The following ACSM6 variants were observed in gnomAD, a reference collection of about 807,000 sequenced individuals.
ACSM6 encodes acyl-CoA synthetase medium chain family member 6.
In ACSM6, 35 loss-of-function variants were observed where a neutral mutation model predicts 51.1. The observed-to-expected ratio is 0.69, with a 90% CI of 0.52 to 0.91. The LOEUF (loss-of-function observed/expected upper bound fraction) is 0.91. Ranked by LOEUF, ACSM6 falls within the 40% of genes least tolerant of loss-of-function variation. The pLI, the probability that ACSM6 is intolerant of heterozygous loss-of-function variation, is 0.00. For synonymous variants in ACSM6, 172 were observed against 207.3 expected, an observed-to-expected ratio of 0.83 and a Z score of 1.46; for missense variants, 509 against 584.1, an observed-to-expected ratio of 0.87 and a Z score of 1.32.
intron 2 of ACSM6, among the ~76,000 whole-genome samples, 168 bp downstream of exon 2, chr10:95,194,845 G>T (rs145317273): frequency 6.6e-6 from 1 of 152,334 alleles, no homozygotes; most frequent in Non-Finnish European, 1.5e-5. Flanking sequence ...CAGCCAGATG[G>T]TTCTACATTG....
exon 2 of ACSM6, chr10:95,194,556 C>G: frequency 6.4e-7 from 1 of 1,551,868 alleles, no homozygotes; most frequent in South Asian, 1.2e-5. Context: ...TGCTGCTATC[C>G]AAACCAAAAA....
intron 3 of ACSM6, among the ~76,000 whole-genome samples, chr10:95,203,185 C>T (rs1242439459): frequency 6.6e-6 from 1 of 151,912 alleles, no homozygotes; most frequent in Non-Finnish European, 1.5e-5. Flanking sequence ...ACTGTGCATG[C>T]GAGGAATCTG....
At chr10:95,220,632 A>C (rs1277923275) in intron 9 of ACSM6, among the ~76,000 whole-genome samples, 1 of 152,184 alleles carries the variant, frequency 6.6e-6, no homozygotes, top group African/African-American at 2.4e-5. Flanking sequence ...AATGAAACAA[A>C]TATTAGTATT....
At chr10:95,200,557 A>AG (rs1415798121) in intron 2 of ACSM6, among the ~76,000 whole-genome samples, 4 of 103,684 alleles carry the variant, frequency 3.9e-5, no homozygotes, top group East Asian at 1.9e-4. Flanking sequence ...AAGAAGAAGA[A>AG]AGAAGAGGAA....
intron 2 of ACSM6, among the ~76,000 whole-genome samples, chr10:95,195,594 G>T (rs973207109): frequency 1.3e-5 from 2 of 152,134 alleles, no homozygotes; most frequent in African/African-American, 4.8e-5. Flanking sequence ...TGTCAAGTGG[G>T]GCTGGTGGTG....
rs190364519 is a variant in ACSM6, at chr10:95,222,545, C to G, written c.1200+2574C>G. Among the ~76,000 whole-genome samples, 5 of 151,566 alleles carry G rather than the reference C, an allele frequency of 3.3e-5. No individual in the cohort carries two copies. The East Asian group carries it at 7.7e-4, about 23-fold the overall frequency. On this transcript the variant is annotated intron_variant, in intron 9 of 10. Transcript: ENST00000341686. ...GGCTGAGGCAGGAGAATCACTTGAACGCGGGAGGTGCAGGTTGTAGTGAGC... is the reference window on the plus strand; with the variant it reads ...GGCTGAGGCAGGAGAATCACTTGAAGGCGGGAGGTGCAGGTTGTAGTGAGC...
chr10:95,197,960 CT>C (rs1483636634), intron 2 of ACSM6, among the ~76,000 whole-genome samples: 1 of 152,234 alleles, frequency 6.6e-6, no homozygotes, highest in Non-Finnish European at 1.5e-5. Context: ...ACCAAGTATA[CT>C]GCTTGTAAAC....
At chr10:95,222,188 C>T (rs1000892684) in intron 9 of ACSM6, among the ~76,000 whole-genome samples, 1 of 152,112 alleles carries the variant, frequency 6.6e-6, no homozygotes, top group Non-Finnish European at 1.5e-5. Flanking sequence ...TATATTTCTA[C>T]ATATGGTATA....
chr10:95,222,515 C>T (rs528928979), intron 9 of ACSM6, among the ~76,000 whole-genome samples: 123 of 151,742 alleles, frequency 8.1e-4, no homozygotes, highest in African/African-American at 2.8e-3. Flanking sequence ...CCCAGCTACT[C>T]AGGAGGCTGA....
At chr10:95,202,224 T>C (rs574838817) in intron 3 of ACSM6, 29 bp downstream of exon 3, 2 of 1,526,534 alleles carry the variant, frequency 1.3e-6, no homozygotes, top group African/African-American at 1.4e-5. Context: ...ACCCCAGGGG[T>C]TGGAGGCTTA....
At chr10:95,227,944 G>A (rs762496175) in intron 10 of ACSM6, among the ~76,000 whole-genome samples, 9 of 152,086 alleles carry the variant, frequency 5.9e-5, no homozygotes, top group Non-Finnish European at 8.8e-5. Flanking sequence ...GGTGATCGGC[G>A]CCTGTAATCC....
rs2034981667 is a variant in ACSM6, at chr10:95,219,980, T to C, written c.1200+9T>C. ...CACCTTATATTGTCCAGGTAGGAGA[T>C]CATAGTAATGATTATGACAGATATT... is the stretch of plus-strand genomic sequence containing the variant. On this transcript the variant is annotated intron_variant, in intron 9 of 10. Coordinates refer to ENST00000341686, the Ensembl canonical transcript of ACSM6. 1 of 1,589,214 alleles carries C rather than the reference T, an allele frequency of 6.3e-7. No homozygotes were observed. Among genetic ancestry groups the C allele is most frequent in the Non-Finnish European group, 8.6e-7 (1 of 1,158,570 alleles).
At chr10:95,217,812 T>A (rs1339454896) in intron 8 of ACSM6, among the ~76,000 whole-genome samples, 1 of 152,214 alleles carries the variant, frequency 6.6e-6, no homozygotes, top group Admixed American at 6.5e-5. Flanking sequence ...CATCCTCACT[T>A]AGAAAGCTAA....
At chr10:95,212,625 G>A (rs960675233) in intron 6 of ACSM6, among the ~76,000 whole-genome samples, 4 of 152,108 alleles carry the variant, frequency 2.6e-5, no homozygotes, top group Non-Finnish European at 4.4e-5. Flanking sequence ...GTATGCATTC[G>A]GTTATCAGTG....
At chr10:95,195,489 G>A (rs2034715742) in intron 2 of ACSM6, among the ~76,000 whole-genome samples, 1 of 152,176 alleles carries the variant, frequency 6.6e-6, no homozygotes, top group African/African-American at 2.4e-5. Context: ...GTCTAATTTT[G>A]AAAGGCCCTG....
chr10:95,201,057 C>T (rs892374070), intron 2 of ACSM6, among the ~76,000 whole-genome samples: 8 of 152,140 alleles, frequency 5.3e-5, no homozygotes, highest in African/African-American at 1.9e-4. Context: ...AAACTCGTCC[C>T]ACTGAAAAAT....
intron 7 of ACSM6, 96 bp downstream of exon 7, chr10:95,213,036 C>T: frequency 1.0e-6 from 1 of 999,920 alleles, no homozygotes; most frequent in Non-Finnish European, 1.5e-6. Context: ...TCCAATCTTA[C>T]CCTCCGGTAA....
exon 3 of ACSM6, chr10:95,202,077 C>T: frequency 1.9e-6 from 3 of 1,551,996 alleles, no homozygotes; most frequent in South Asian, 2.4e-5. Context: ...CTCAACTCTC[C>T]AAGAAGGCCG....
chr10:95,194,293 T>G (rs1458220429), exon 1 of ACSM6: 4 of 531,952 alleles, frequency 7.5e-6, no homozygotes, highest in Admixed American at 6.3e-5. Context: ...TAGAAACTCC[T>G]CTTGGAATTG....
Sources: allele counts gnomAD v4.1 joint callset (sites outside exome capture counted in the v4.1 genomes callset), GRCh38; gene constraint gnomAD v4.1.1; transcripts MANE v1.5; gene names NCBI Gene and HGNC (gene_info 2026-07-23, HGNC 2026-07-21).